Variants in COLGALT2 observed in about 807,000 individuals in gnomAD.
The protein encoded by COLGALT2 is procollagen galactosyltransferase 2.
In COLGALT2, 49 loss-of-function variants were observed where a neutral mutation model predicts 73.4. The observed-to-expected ratio is 0.67, with a 90% CI of 0.53 to 0.85. COLGALT2 has a LOEUF of 0.85. Among genes scored for constraint, COLGALT2 ranks in the 40% least tolerant of loss-of-function variants. COLGALT2 has a pLI of 0.00. For missense variants in COLGALT2, 722 were observed against 790.2 expected, an observed-to-expected ratio of 0.91 and a Z score of 1.03; for synonymous variants, 295 against 307.6, an observed-to-expected ratio of 0.96 and a Z score of 0.43.
chr1:183,981,242 TATATG>T (rs775080997), intron 1 of COLGALT2, among the ~76,000 whole-genome samples: 3 of 152,170 alleles, frequency 2.0e-5, no homozygotes, highest in Non-Finnish European at 2.9e-5. Context: ...ATCAAAAATA[TATATG>T]ATATAATACA....
At chr1:184,031,414 C>T (rs1649506444) in intron 1 of COLGALT2, among the ~76,000 whole-genome samples, 1 of 152,148 alleles carries the variant, frequency 6.6e-6, no homozygotes, top group African/African-American at 2.4e-5. Context: ...CTAAAAAGTG[C>T]CTGAACTAAG....
chr1:183,945,604 A>G (rs1446276706), intron 8 of COLGALT2, 40 bp from the exon 9 acceptor site: 1 of 1,610,302 alleles, frequency 6.2e-7, no homozygotes, highest in East Asian at 2.2e-5. Context: ...AACAAGTCAA[A>G]GGTCCCCACC....
At chr1:183,967,419 C>T (rs1302775981) in intron 5 of COLGALT2, among the ~76,000 whole-genome samples, 1 of 152,212 alleles carries the variant, frequency 6.6e-6, no homozygotes, top group African/African-American at 2.4e-5. Context: ...CACCAAACAA[C>T]TTTGGGTGTC....
At position 183,967,242 on chromosome 1, in the gene COLGALT2, G is replaced by T. The variant is rs12077569; in HGVS notation, c.832+2027C>A. Among the ~76,000 whole-genome samples the T allele has an allele frequency of 5.3e-3, 800 of 152,322 alleles. 9 individuals are homozygous for T. Among genetic ancestry groups the T allele is most frequent in the African/African-American group, 0.018 (766 of 41,574 alleles). On this transcript the variant is annotated intron_variant, in intron 5 of 11. Transcript: ENST00000361927. Reference sequence around the variant, plus strand: ...TGCCTTGACTCCTGCCCTGTTCATGGTCTGCACCGCCAGTCTGGCCCTTAG... The same window carrying T: ...TGCCTTGACTCCTGCCCTGTTCATGTTCTGCACCGCCAGTCTGGCCCTTAG...
At chr1:184,035,019 AAG>A (rs1649627403) in intron 1 of COLGALT2, among the ~76,000 whole-genome samples, 1 of 152,248 alleles carries the variant, frequency 6.6e-6, no homozygotes, top group Non-Finnish European at 1.5e-5. Context: ...TTTTTCAAAG[AAG>A]AGTCTTCAAT....
intron 10 of COLGALT2, among the ~76,000 whole-genome samples, chr1:183,942,706 G>T (rs368786028): frequency 1.3e-5 from 2 of 152,136 alleles, no homozygotes; most frequent in African/African-American, 4.8e-5. Flanking sequence ...ATTTAAAACT[G>T]TTACAGTTCT....
intron 6 of COLGALT2, among the ~76,000 whole-genome samples, chr1:183,961,000 A>AT (rs1479314849): frequency 6.6e-6 from 1 of 152,204 alleles, no homozygotes; most frequent in Non-Finnish European, 1.5e-5. Flanking sequence ...TTAGAGAAGG[A>AT]TACTTGACTG....
intron 1 of COLGALT2, among the ~76,000 whole-genome samples, chr1:184,013,130 C>G (rs974458858): frequency 2.6e-5 from 4 of 152,208 alleles, no homozygotes; most frequent in Non-Finnish European, 4.4e-5. Context: ...GCTTGGCCAC[C>G]ATGGTGAAAC....
At chr1:183,988,849 G>A (rs1401097169) in intron 1 of COLGALT2, among the ~76,000 whole-genome samples, 3 of 151,912 alleles carry the variant, frequency 2.0e-5, no homozygotes, top group Non-Finnish European at 2.9e-5. Flanking sequence ...CCCTGAGTAC[G>A]GCTGCTCAAA....
chr1:184,020,833 G>A (rs1649157735), intron 1 of COLGALT2, among the ~76,000 whole-genome samples: 1 of 152,136 alleles, frequency 6.6e-6, no homozygotes, highest in South Asian at 2.1e-4. Flanking sequence ...AAGCCCTTAT[G>A]ACATTCTTGC....
chr1:183,945,616 C>T (rs1332748914), intron 8 of COLGALT2, 52 bp from the exon 9 acceptor site: 1 of 1,604,818 alleles, frequency 6.2e-7, no homozygotes, highest in African/African-American at 1.3e-5. Context: ...GTCCCCACCA[C>T]AAAGGCCAGA....
At chr1:183,968,070 T>C (rs1479776773) in intron 5 of COLGALT2, among the ~76,000 whole-genome samples, 1 of 152,216 alleles carries the variant, frequency 6.6e-6, no homozygotes, top group Non-Finnish European at 1.5e-5. Flanking sequence ...CTTGAATTTG[T>C]ATTAACATTC....
At chr1:183,973,836 A>G (rs1671118613) in intron 3 of COLGALT2, 86 bp from the exon 4 acceptor site, 2 of 1,310,840 alleles carry the variant, frequency 1.5e-6, no homozygotes, top group East Asian at 4.6e-5. Context: ...GAAGGATCCC[A>G]GAAACTTGCT....
chr1:183,949,533 A>G (rs1670339772), intron 8 of COLGALT2, among the ~76,000 whole-genome samples: 3 of 152,220 alleles, frequency 2.0e-5, no homozygotes, highest in African/African-American at 7.2e-5. Flanking sequence ...CATGTGCAAA[A>G]GAATGAATAT....
At chr1:184,028,273 C>G (rs1649390839) in intron 1 of COLGALT2, among the ~76,000 whole-genome samples, 1 of 152,214 alleles carries the variant, frequency 6.6e-6, no homozygotes, top group African/African-American at 2.4e-5. Context: ...GAAAATTCTA[C>G]CTTTCCCAAG....
chr1:183,978,566 A>C (rs997620989), intron 1 of COLGALT2, 46 bp from the exon 2 acceptor site: 2 of 1,208,632 alleles, frequency 1.7e-6, no homozygotes, highest in Non-Finnish European at 2.4e-6. Context: ...TCATCCAATG[A>C]AAGAGAGGGA....
intron 1 of COLGALT2, among the ~76,000 whole-genome samples, chr1:183,996,312 T>C (rs1325589984): frequency 6.6e-6 from 1 of 152,170 alleles, no homozygotes; most frequent in Non-Finnish European, 1.5e-5. Context: ...GGCAGAAAGC[T>C]GAAGTGATAA....
At chr1:183,962,150 C>CTTTCTTTT (rs1670722334) in intron 6 of COLGALT2, among the ~76,000 whole-genome samples, 5 of 102,766 alleles carry the variant, frequency 4.9e-5, no homozygotes, top group African/African-American at 2.1e-4. Flanking sequence ...TTCTTTTTCT[C>CTTTCTTTT]TTTCTTTTTT....
chr1:183,975,255 A>G (rs1290647127), intron 2 of COLGALT2, 41 bp from the exon 3 acceptor site: 1 of 1,257,838 alleles, frequency 8.0e-7, no homozygotes, highest in Non-Finnish European at 1.2e-6. Flanking sequence ...GAGTGCCTAC[A>G]TGTACCAGGC....
Sources: allele counts gnomAD v4.1 joint callset (sites outside exome capture counted in the v4.1 genomes callset), GRCh38; gene constraint gnomAD v4.1.1; transcripts MANE v1.5; gene names NCBI Gene and HGNC (gene_info 2026-07-23, HGNC 2026-07-21).